ST3GAL3: variants seen among roughly 807,000 people sequenced by gnomAD.
ST3GAL3 encodes CMP-N-acetylneuraminate-beta-1,4-galactoside alpha-2,3-sialyltransferase.
A neutral mutation model predicts 50.1 loss-of-function variants in ST3GAL3; 21 were observed. That is an observed-to-expected ratio of 0.42 (90% confidence interval 0.30 to 0.60). The LOEUF (loss-of-function observed/expected upper bound fraction) is 0.60, where lower values mean the gene tolerates loss of function less well. Ranked by LOEUF, ST3GAL3 falls within the 20% of genes least tolerant of loss-of-function variation. ST3GAL3 has a pLI of 0.19. For missense variants in ST3GAL3, 353 were observed against 489.4 expected, an observed-to-expected ratio of 0.72 and a Z score of 2.63; for synonymous variants, 183 against 190.0, an observed-to-expected ratio of 0.96 and a Z score of 0.30.
At chr1:43,725,056 T>C (rs1672259578) in intron 1 of ST3GAL3, among the ~76,000 whole-genome samples, 1 of 152,214 alleles carries the variant, frequency 6.6e-6, no homozygotes, top group Non-Finnish European at 1.5e-5. Flanking sequence ...GTGTTTGTCC[T>C]ATTAGCTTTG....
intron 2 of ST3GAL3, among the ~76,000 whole-genome samples, chr1:43,773,038 C>G (rs964375906): frequency 6.6e-6 from 1 of 152,166 alleles, no homozygotes; most frequent in African/African-American, 2.4e-5. Flanking sequence ...TGAGCCACCT[C>G]GCCAGGCCTA....
intron 5 of ST3GAL3, among the ~76,000 whole-genome samples, chr1:43,890,260 T>C (rs1478437871): frequency 6.6e-6 from 1 of 152,184 alleles, no homozygotes; most frequent in African/African-American, 2.4e-5. Context: ...TTCCGGGAAT[T>C]TTCAAAATAG....
chr1:43,851,626 G>T, intron 5 of ST3GAL3: 1 of 1,289,126 alleles, frequency 7.8e-7, no homozygotes, highest in Non-Finnish European at 1.1e-6. Flanking sequence ...TCTCCTTAAT[G>T]ATGTTGTAAA....
chr1:43,803,902 A>G (rs1388690317), intron 3 of ST3GAL3, among the ~76,000 whole-genome samples: 1 of 152,252 alleles, frequency 6.6e-6, no homozygotes, highest in Non-Finnish European at 1.5e-5. Flanking sequence ...CTCCTTGGTC[A>G]GTGATTTTTG....
At chr1:43,825,015 A>C in intron 4 of ST3GAL3, 1 of 697,588 alleles carries the variant, frequency 1.4e-6, no homozygotes, top group East Asian at 2.7e-5. Flanking sequence ...TGTACATAGG[A>C]GTATGTCTAT....
chr1:43,736,494 AC>A, intron 2 of ST3GAL3, 114 bp downstream of exon 2: 1 of 1,592,560 alleles, frequency 6.3e-7, no homozygotes, highest in Non-Finnish European at 8.6e-7. Flanking sequence ...AGTAAACTGA[AC>A]ATTTCTGGGA....
At chr1:43,753,901 G>A (rs900695524) in intron 2 of ST3GAL3, among the ~76,000 whole-genome samples, 2 of 152,098 alleles carry the variant, frequency 1.3e-5, no homozygotes, top group African/African-American at 4.8e-5. Flanking sequence ...ACTCCCTCCC[G>A]CCCAGATCCT....
intron 1 of ST3GAL3, among the ~76,000 whole-genome samples, chr1:43,733,170 T>G (rs1487106269): frequency 6.6e-6 from 1 of 152,114 alleles, no homozygotes; most frequent in Non-Finnish European, 1.5e-5. Context: ...AATCTTAAAA[T>G]TTTTTGTAGA....
At chr1:43,777,786 A>G (rs1343546246) in intron 2 of ST3GAL3, among the ~76,000 whole-genome samples, 1 of 152,224 alleles carries the variant, frequency 6.6e-6, no homozygotes, top group Non-Finnish European at 1.5e-5. Flanking sequence ...GAATTTTTGC[A>G]CAACAAAATA....
rs555299597 is a variant in ST3GAL3 at position 43,783,474 on chromosome 1, C to A, written c.119-8628C>A. On this transcript the variant is annotated intron_variant, in intron 2 of 11. Transcript: ENST00000347631. ...ATTGGGCTGTCTTTCATTTGAGACT[C>A]GATAGAAAGGTGAATCACACTCATC... Among the ~76,000 whole-genome samples, 3 of 152,270 alleles carry A rather than the reference C, an allele frequency of 2.0e-5. No individual in the cohort carries two copies. The South Asian group carries it at 6.2e-4, about 32-fold the overall frequency.
At chr1:43,844,549 C>T (rs1029386985) in intron 5 of ST3GAL3, among the ~76,000 whole-genome samples, 22 of 152,136 alleles carry the variant, frequency 1.4e-4, no homozygotes, top group Admixed American at 2.6e-4. Context: ...CGGTGGCTTA[C>T]GCCTGTAATC....
At chr1:43,922,755 A>G (rs550155728) in intron 11 of ST3GAL3, among the ~76,000 whole-genome samples, 82 of 148,040 alleles carry the variant, frequency 5.5e-4, no homozygotes, top group African/African-American at 1.9e-3. Context: ...AGCCGAGATC[A>G]TGCCACTGCA....
At chr1:43,887,395 G>C (rs1236780541) in intron 5 of ST3GAL3, among the ~76,000 whole-genome samples, 1 of 152,206 alleles carries the variant, frequency 6.6e-6, no homozygotes, top group African/African-American at 2.4e-5. Flanking sequence ...AGCCAAGAGA[G>C]ATAATAGACT....
intron 5 of ST3GAL3, among the ~76,000 whole-genome samples, chr1:43,868,926 G>T (rs1279832249): frequency 6.6e-6 from 1 of 152,100 alleles, no homozygotes; most frequent in East Asian, 1.9e-4. Context: ...AATCCAAACT[G>T]TAGACAGCCC....
intron 5 of ST3GAL3, among the ~76,000 whole-genome samples, chr1:43,888,876 C>A (rs969403103): frequency 1.3e-5 from 2 of 152,076 alleles, no homozygotes; most frequent in Admixed American, 1.3e-4. Flanking sequence ...CAGTATAGAG[C>A]AAAATCAGAG....
chr1:43,905,551 C>T (rs1287164422), intron 9 of ST3GAL3, among the ~76,000 whole-genome samples: 2 of 127,888 alleles, frequency 1.6e-5, no homozygotes, highest in East Asian at 2.4e-4. Flanking sequence ...TCCTTCTGCT[C>T]CTATTCCTGC....
chr1:43,864,290 A>G (rs540043803), intron 5 of ST3GAL3, among the ~76,000 whole-genome samples: 3 of 152,170 alleles, frequency 2.0e-5, no homozygotes, highest in Non-Finnish European at 1.5e-5. Flanking sequence ...GGGAAAAAAA[A>G]CAAAGAAAGA....
Position 43,899,081 on chromosome 1 carries a change from A to AGG in ST3GAL3, c.462-85_462-84dup. The AGG allele has an allele frequency of 1.3e-6, 2 of 1,587,192 alleles. No individual in the cohort carries two copies. The highest frequency in any genetic ancestry group is 1.7e-6 in the Non-Finnish European group (2 of 1,163,288). On this transcript the variant is annotated intron_variant, in intron 7 of 11. Coordinates refer to ENST00000347631, the MANE Select transcript of ST3GAL3 (RefSeq NM_006279.5). The surrounding 1 kb of genome is among the most constrained non-coding windows in gnomAD (Gnocchi z 5.4). The stretch of plus-strand genomic sequence containing the variant: ...CTCTATCCCAGCCTGGTCCTGGACA[A>AGG]GGGCGTGGGGTCAAGGGCCAAAGGA...
At chr1:43,781,624 AT>A (rs1026713059) in intron 2 of ST3GAL3, among the ~76,000 whole-genome samples, 50 of 150,150 alleles carry the variant, frequency 3.3e-4, no homozygotes, top group African/African-American at 1.2e-3. Flanking sequence ...AAAAAAAAAG[AT>A]TTTTACATGT....
Sources: gnomAD v4.1 joint callset for allele counts (sites outside exome capture counted in the v4.1 genomes callset) on GRCh38, gnomAD v4.1.1 for gene constraint, Gnocchi (gnomAD v3.1) non-coding constraint, MANE v1.5 for transcripts, NCBI Gene and HGNC (gene_info 2026-07-23, HGNC 2026-07-21) for gene names.